ZNF354C: variants seen among roughly 807,000 people sequenced by gnomAD.
ZNF354C encodes the protein zinc finger protein 354C, also known as KRAB-zinc finger protein synten.
A neutral mutation model predicts 12.4 loss-of-function variants in ZNF354C; 7 were observed. The ratio of observed to expected loss-of-function variants is 0.56; its 90% CI spans 0.32 to 1.06. ZNF354C has a LOEUF of 1.06. ZNF354C is among the 50% of genes least tolerant of loss of function. The probability of loss-of-function intolerance (pLI) is 0.04; values close to 1 mark genes in which losing one functional copy is unlikely to be tolerated. For missense variants in ZNF354C, 609 were observed against 658.0 expected, an observed-to-expected ratio of 0.93 and a Z score of 0.81; for synonymous variants, 202 against 224.5, an observed-to-expected ratio of 0.90 and a Z score of 0.90.
In ZNF354C at chr5:179,079,581, G is replaced by A; in HGVS notation, c.1149G>A (p.Leu383=). The change falls in exon 5 of 5, where the codon CTG becomes CTA. Residue 383 remains leucine, a synonymous_variant. Coordinates refer to ENST00000315475, the MANE Select transcript of ZNF354C (RefSeq NM_014594.3). This position sits in a 1 kb window ranked among gnomAD's most constrained non-coding sequence, Gnocchi z 4.2. The part of the protein sequence containing the change: ...EHQRFHTGEQ[L]YTCLECGRTF... ...AGAGGTTTCATACTGGAGAACAACT[G>A]TATACATGCTTGGAATGTGGGAGAA... 6.2e-7 allele frequency: 1 copy of A among 1,614,098 alleles called. No homozygotes were observed. The highest frequency in any genetic ancestry group is 8.5e-7 in the Non-Finnish European group (1 of 1,180,026).
intron 1 of ZNF354C, among the ~76,000 whole-genome samples, chr5:179,061,074 C>T (rs1761884380): frequency 6.6e-6 from 1 of 152,264 alleles, no homozygotes; most frequent in Non-Finnish European, 1.5e-5. Flanking sequence ...AAAACACTCA[C>T]CGCTTCCTGG....
In ZNF354C at chr5:179,082,989, T is replaced by A. The variant is rs1762249561; in HGVS notation, c.*2892T>A. ...CATATGGAAAAAGAGCTTCTTGCTA[T>A]CCCCTACTTCATAGTTAATGAAGCC... On this transcript the variant is annotated 3_prime_UTR_variant, in exon 5 of 5. Coordinates refer to ENST00000315475, the MANE Select transcript of ZNF354C (RefSeq NM_014594.3). 1.3e-6 allele frequency: 1 copy of A among 777,886 alleles called. No homozygotes were observed. The highest frequency in any genetic ancestry group is 1.6e-5 in the South Asian group (1 of 62,802). The allele number at this position is 777,886 out of a possible 1,614,324, so 48.2% of individuals were successfully genotyped here. A position where few individuals can be genotyped will look rare whatever the true frequency, so the allele number is the denominator to read the frequency against.
intron 4 of ZNF354C, among the ~76,000 whole-genome samples, chr5:179,078,168 A>T (rs1762154879): frequency 6.6e-6 from 1 of 152,150 alleles, no homozygotes; most frequent in South Asian, 2.1e-4. Context: ...CACATGAAGT[A>T]AAGAAATTTA....
At chr5:179,065,616 A>G (rs1215365919) in intron 2 of ZNF354C, among the ~76,000 whole-genome samples, 1 of 152,062 alleles carries the variant, frequency 6.6e-6, no homozygotes, top group East Asian at 1.9e-4. Context: ...GGGTTTCACC[A>G]TGTTGGCTGG....
In ZNF354C at chr5:179,078,793, G is replaced by A. The variant is rs747051416; in HGVS notation, c.361G>A (p.Asp121Asn). 6.2e-7 allele frequency: 1 copy of A among 1,614,102 alleles called. No homozygotes were observed. The highest frequency in any genetic ancestry group is 8.5e-7 in the Non-Finnish European group (1 of 1,179,996). The change falls in exon 5 of 5, where the codon GAC becomes AAC. Residue 121 changes from aspartate (D) to asparagine (N), a missense_variant. Asp to Asn is a conservative substitution (Grantham distance 23). Transcript: ENST00000315475. ...AGAATCCATTAAGGATGGTCACTGG[G>A]ACATTAACTTTGAAGAAGCTGTGGA... ...KKESIKDGHW[D>N]INFEEAVEFE...
chr5:179,076,661 A>C, intron 3 of ZNF354C, 90 bp downstream of exon 3: 1 of 1,512,006 alleles, frequency 6.6e-7, no homozygotes, highest in Non-Finnish European at 8.9e-7. Flanking sequence ...CTTGTACCCT[A>C]CTGAGCCCCT....
At chr5:179,063,579 AG>A (rs1761920867) in intron 2 of ZNF354C, among the ~76,000 whole-genome samples, 1 of 152,240 alleles carries the variant, frequency 6.6e-6, no homozygotes, top group Non-Finnish European at 1.5e-5. Context: ...CCCAAAAAGT[AG>A]TAATTACAAG....
In ZNF354C at chr5:179,081,171, A is replaced by AC. The variant is rs1467867742; in HGVS notation, c.*1076dup. ...GTGTTATCTTTAAGGGCTTCCTCTC[A>AC]CCTTAATCTTAATAATTGACTCACA... On this transcript the variant is annotated 3_prime_UTR_variant, in exon 5 of 5. Coordinates refer to ENST00000315475, the MANE Select transcript of ZNF354C (RefSeq NM_014594.3). 2 of 152,074 alleles carry AC rather than the reference A, an allele frequency of 1.3e-5. No individual in the cohort carries two copies. The highest frequency in any genetic ancestry group is 3.9e-4 in the East Asian group (2 of 5,190). 9.4% of individuals were successfully genotyped at this position (152,074 alleles called of 1,614,324 possible).
In ZNF354C at chr5:179,082,789, T is replaced by G. The variant is rs1295566406; in HGVS notation, c.*2692T>G. The G allele has an allele frequency of 7.4e-7, 1 of 1,360,386 alleles. No homozygotes were observed. The allele number at this position is 1,360,386 out of a possible 1,614,324, so 84.3% of individuals were successfully genotyped here. On this transcript the variant is annotated 3_prime_UTR_variant, in exon 5 of 5. Transcript: ENST00000315475. ...CGAGGATCACTGGCATCATCCAGGG[T>G]GATGTTCTTCAAGCGACTGACCAAC...
At chr5:179,062,413 G>GAT (rs1252775760) in intron 2 of ZNF354C, among the ~76,000 whole-genome samples, 2 of 152,110 alleles carry the variant, frequency 1.3e-5, no homozygotes, top group African/African-American at 2.4e-5. Flanking sequence ...CTTCATAGAG[G>GAT]ATATAGTCAC....
In ZNF354C at chr5:179,077,159, C is replaced by T; in HGVS notation, c.243C>T (p.Thr81=). The change falls in exon 4 of 5, where the codon ACC becomes ACT. Residue 81 remains threonine, a synonymous_variant. Transcript: ENST00000315475. ...TGGAAAGAGAAGTCCCTTCAGATAC[C>T]CGTCTAGGTAAGTGAGAGGCTGGGA... ...CMVEREVPSD[T]RLGFKTWLET... 1 of 1,613,762 alleles carries T rather than the reference C, an allele frequency of 6.2e-7. No homozygotes were observed. The highest frequency in any genetic ancestry group is 1.3e-5 in the African/African-American group (1 of 75,010).
At chr5:179,063,655 G>A (rs1761922108) in intron 2 of ZNF354C, among the ~76,000 whole-genome samples, 1 of 152,230 alleles carries the variant, frequency 6.6e-6, no homozygotes. Flanking sequence ...CTTTCATATA[G>A]TAAGTCATTT....
rs898020553 is a variant in ZNF354C at position 179,076,985 on chromosome 5, G to T, written c.155-86G>T. On this transcript the variant is annotated intron_variant, in intron 3 of 4. Coordinates refer to ENST00000315475, the MANE Select transcript of ZNF354C (RefSeq NM_014594.3). Reference sequence around the variant, plus strand: ...CCTCTCAGGGCTTGCCTTCTTTGCTGTGTTGGTTCAGAGTGAGTAGTAGGT... The same window carrying T: ...CCTCTCAGGGCTTGCCTTCTTTGCTTTGTTGGTTCAGAGTGAGTAGTAGGT... The T allele has an allele frequency of 1.8e-5, 21 of 1,182,204 alleles. No individual in the cohort carries two copies. The African/African-American group carries it at 2.1e-4, about 12-fold the overall frequency. 73.2% of individuals were successfully genotyped at this position (1,182,204 alleles called of 1,614,324 possible). A position where few individuals can be genotyped will look rare whatever the true frequency, so the allele number is the denominator to read the frequency against.
chr5:179,064,076 C>T (rs985521860), intron 2 of ZNF354C, among the ~76,000 whole-genome samples: 4 of 152,176 alleles, frequency 2.6e-5, no homozygotes, highest in South Asian at 2.1e-4. Flanking sequence ...TAGGGTTGTT[C>T]GCTATCTGAG....
chr5:179,076,111 T>C (rs1762116848), intron 2 of ZNF354C, among the ~76,000 whole-genome samples: 1 of 152,284 alleles, frequency 6.6e-6, no homozygotes, highest in Non-Finnish European at 1.5e-5. Context: ...CTCTCATCCA[T>C]CTTCCGAGCC....
In ZNF354C at chr5:179,080,244, A is replaced by C; in HGVS notation, c.*147A>C. 1 of 545,250 alleles carries C rather than the reference A, an allele frequency of 1.8e-6. No homozygotes were observed. 33.8% of individuals were successfully genotyped at this position (545,250 alleles called of 1,614,324 possible). A position where few individuals can be genotyped will look rare whatever the true frequency, so the allele number is the denominator to read the frequency against. The stretch of plus-strand genomic sequence containing the variant: ...AGTCATGATAAAATTGATCAGTGAG[A>C]CTATGAAGAGCACTGACTTGTTAAA... On this transcript the variant is annotated 3_prime_UTR_variant, in exon 5 of 5. Transcript: ENST00000315475.
chr5:179,065,156 A>G (rs1375644478), intron 2 of ZNF354C, among the ~76,000 whole-genome samples: 1 of 152,180 alleles, frequency 6.6e-6, no homozygotes, highest in Non-Finnish European at 1.5e-5. Flanking sequence ...TATTCCCTAC[A>G]TTAATTTGGT....
At position 179,078,815 on chromosome 5, in the gene ZNF354C, T is replaced by G; in HGVS notation, c.383T>G (p.Val128Gly). The G allele has an allele frequency of 6.2e-7, 1 of 1,614,008 alleles. No homozygotes were observed. Among genetic ancestry groups the G allele is most frequent in the Admixed American group, 1.7e-5 (1 of 60,012 alleles). ...GHWDINFEEA[V>G]EFESEIEEEQ... is the part of the protein sequence containing the mutation. ...TGGGACATTAACTTTGAAGAAGCTG[T>G]GGAATTTGAGAGCGAGATAGAAGAA... Residue 128 changes from valine (V) to glycine (G), a missense_variant, in exon 5 of 5, where the codon GTG becomes GGG. By Grantham distance (109) the Val-to-Gly change is moderately radical. Coordinates refer to ENST00000315475, the MANE Select transcript of ZNF354C (RefSeq NM_014594.3).
intron 2 of ZNF354C, among the ~76,000 whole-genome samples, chr5:179,064,599 A>G (rs954113056): frequency 7.0e-6 from 1 of 143,472 alleles, no homozygotes; most frequent in Non-Finnish European, 1.5e-5. Context: ...TTTTTTTTGT[A>G]GAGACGGGGT....
Sources: gnomAD v4.1 joint callset for allele counts (sites outside exome capture counted in the v4.1 genomes callset) on GRCh38, gnomAD v4.1.1 for gene constraint, Gnocchi (gnomAD v3.1) non-coding constraint, MANE v1.5 for transcripts, NCBI Gene and HGNC (gene_info 2026-07-23, HGNC 2026-07-21) for gene names.